EVI5: variants seen among roughly 807,000 people sequenced by gnomAD.
The protein encoded by EVI5 is ecotropic viral integration site 5.
Under a neutral mutation model 112.0 loss-of-function variants are expected in EVI5, and 73 were observed. The ratio of observed to expected loss-of-function variants is 0.65; its 90% CI spans 0.54 to 0.79. The LOEUF is 0.79. EVI5 is among the 30% of genes least tolerant of loss of function. The probability of loss-of-function intolerance (pLI) is 0.00; values close to 1 mark genes in which losing one functional copy is unlikely to be tolerated. For missense variants in EVI5, 900 were observed against 968.8 expected, an observed-to-expected ratio of 0.93 and a Z score of 0.94; for synonymous variants, 305 against 319.9, an observed-to-expected ratio of 0.95 and a Z score of 0.50.
chr1:92,579,387 T>C (rs1671586896), intron 18 of EVI5, among the ~76,000 whole-genome samples: 1 of 152,188 alleles, frequency 6.6e-6, no homozygotes, highest in Non-Finnish European at 1.5e-5. Context: ...AACCAGATTA[T>C]AATTACTTAC....
intron 1 of EVI5, among the ~76,000 whole-genome samples, chr1:92,743,892 G>A (rs1678831577): frequency 6.6e-6 from 1 of 151,832 alleles, no homozygotes; most frequent in African/African-American, 2.4e-5. Context: ...TATTCTGCTT[G>A]CTTTAGGTTT....
upstream of EVI5, among the ~76,000 whole-genome samples, chr1:92,788,743 G>A (rs138701716): frequency 2.2e-3 from 333 of 152,104 alleles, 2 homozygotes; most frequent in East Asian, 0.021. Flanking sequence ...GCAGTGAGCC[G>A]AGATCGCGCC....
chr1:92,576,282 T>C (rs1440106834), intron 18 of EVI5, among the ~76,000 whole-genome samples: 1 of 152,236 alleles, frequency 6.6e-6, no homozygotes, highest in Admixed American at 6.5e-5. Flanking sequence ...ATTTTGTATA[T>C]GTACATTAAA....
chr1:92,718,709 A>C (rs564214402), intron 2 of EVI5, among the ~76,000 whole-genome samples: 1 of 152,320 alleles, frequency 6.6e-6, no homozygotes, highest in African/African-American at 2.4e-5. Context: ...GAACTGAAGG[A>C]GATAGAGACA....
rs375553110 is a variant in EVI5 at position 92,666,000 on chromosome 1, GA to G, written c.1159-9del. The G allele has an allele frequency of 8.8e-5, 134 of 1,522,842 alleles. No individual in the cohort carries two copies. Among genetic ancestry groups the G allele is most frequent in the Admixed American group, 2.5e-4 (12 of 48,884 alleles). 94.3% of individuals were successfully genotyped at this position (1,522,842 alleles called of 1,614,324 possible). ...ATTTTCTGTGCGTAACCTCTGCCAAGAAAAAAAAAGTTTTATTTGCAAGCAT... is the reference window on the plus strand; with the variant it reads ...ATTTTCTGTGCGTAACCTCTGCCAAGAAAAAAAAGTTTTATTTGCAAGCAT... On this transcript the variant is annotated splice_polypyrimidine_tract_variant and intron_variant, in intron 10 of 19. Coordinates refer to ENST00000684568, the MANE Select transcript of EVI5 (RefSeq NM_001350197.2).
chr1:92,779,908 T>G (rs751037871), intron 1 of EVI5, among the ~76,000 whole-genome samples: 2 of 152,130 alleles, frequency 1.3e-5, no homozygotes, highest in African/African-American at 2.4e-5. Context: ...TAAGGTACAG[T>G]TGGACTCTAG....
intron 10 of EVI5, among the ~76,000 whole-genome samples, chr1:92,668,490 T>C (rs980674777): frequency 2.0e-5 from 3 of 152,176 alleles, no homozygotes; most frequent in Non-Finnish European, 4.4e-5. Context: ...GAAAACTAAG[T>C]TCCCACCAGA....
chr1:92,641,673 C>A (rs1389183469), intron 13 of EVI5, among the ~76,000 whole-genome samples: 1 of 152,116 alleles, frequency 6.6e-6, no homozygotes, highest in Admixed American at 6.6e-5. Flanking sequence ...GGTTTCTACA[C>A]CACAAAATCA....
chr1:92,784,418 C>T (rs1409967300), intron 1 of EVI5: 1 of 985,262 alleles, frequency 1.0e-6, no homozygotes, highest in Non-Finnish European at 1.2e-6. Context: ...AGTAAAGACG[C>T]CAACTTTGCA....
At chr1:92,534,319 T>C (rs573988499) in intron 19 of EVI5, among the ~76,000 whole-genome samples, 68 of 152,176 alleles carry the variant, frequency 4.5e-4, no homozygotes, top group Non-Finnish European at 8.1e-4. Context: ...TGCTTATGGA[T>C]AGGAAGAATC....
At chr1:92,636,827 A>T (rs920284000) in intron 13 of EVI5, among the ~76,000 whole-genome samples, 1 of 152,242 alleles carries the variant, frequency 6.6e-6, no homozygotes, top group Non-Finnish European at 1.5e-5. Context: ...TATTGATTAC[A>T]TTAAAATAAT....
rs182819666 is a variant in EVI5, at chr1:92,666,176, G to A, written c.1159-184C>T. ...CAGAAGGCAGGGCACCATGGTTCAC[G>A]CCTGTAATCCCAGCTCTTTGGGAGG... On this transcript the variant is annotated intron_variant, in intron 10 of 19. Coordinates refer to ENST00000684568, the MANE Select transcript of EVI5 (RefSeq NM_001350197.2). Among the ~76,000 whole-genome samples the A allele has an allele frequency of 5.2e-3, 786 of 152,064 alleles. 5 individuals are homozygous for A. Among genetic ancestry groups the A allele is most frequent in the Non-Finnish European group, 8.3e-3 (566 of 67,994 alleles).
chr1:92,550,695 C>T (rs1255647676), intron 19 of EVI5, among the ~76,000 whole-genome samples: 19 of 120,464 alleles, frequency 1.6e-4, no homozygotes, highest in Non-Finnish European at 2.8e-4. Flanking sequence ...TGCAGTGAGC[C>T]GACATCTGGC....
At chr1:92,657,396 C>T (rs556188690) in intron 13 of EVI5, among the ~76,000 whole-genome samples, 2 of 152,194 alleles carry the variant, frequency 1.3e-5, no homozygotes, top group African/African-American at 4.8e-5. Context: ...GGTACGTCGG[C>T]TCATGCCTGT....
In EVI5 at chr1:92,582,019, G is replaced by C. The variant is rs560425334; in HGVS notation, c.2071-18282C>G. Among the ~76,000 whole-genome samples, 268 of 152,306 alleles carry C rather than the reference G, an allele frequency of 1.8e-3. 1 individual carries two copies. Among genetic ancestry groups the C allele is most frequent in the African/African-American group, 5.9e-3 (244 of 41,578 alleles). On this transcript the variant is annotated intron_variant, in intron 18 of 19. Transcript: ENST00000684568. ...GGGGATACATTCTGAGAAATGTGTTGTTAGGGGATTTCATCGTTGTGTGAA... is the reference window on the plus strand; with the variant it reads ...GGGGATACATTCTGAGAAATGTGTTCTTAGGGGATTTCATCGTTGTGTGAA...
chr1:92,605,825 TAA>T (rs1291930178), intron 17 of EVI5, among the ~76,000 whole-genome samples: 1 of 152,112 alleles, frequency 6.6e-6, no homozygotes, highest in Admixed American at 6.5e-5. Flanking sequence ...CAACTAAAAA[TAA>T]AAAAGCTTTA....
At chr1:92,761,627 C>T (rs6604022) in intron 1 of EVI5, among the ~76,000 whole-genome samples, 139,662 of 151,970 alleles carry the variant, frequency 0.92, 64,254 homozygotes, top group East Asian at 0.97. Context: ...AAATAATATT[C>T]ACACCAGTTC....
chr1:92,515,438 G>T (rs571377582), intron 19 of EVI5, among the ~76,000 whole-genome samples: 41 of 152,264 alleles, frequency 2.7e-4, no homozygotes, highest in African/African-American at 9.9e-4. Context: ...CATCAGCTCT[G>T]CCCTCAAGAG....
chr1:92,526,968 T>A (rs1661984176), intron 19 of EVI5, among the ~76,000 whole-genome samples: 1 of 152,224 alleles, frequency 6.6e-6, no homozygotes, highest in African/African-American at 2.4e-5. Flanking sequence ...GGTAACTCTC[T>A]TAATTTTCCA....
Sources: allele counts gnomAD v4.1 joint callset (sites outside exome capture counted in the v4.1 genomes callset), GRCh38; gene constraint gnomAD v4.1.1; transcripts MANE v1.5; gene names NCBI Gene and HGNC (gene_info 2026-07-23, HGNC 2026-07-21).